Variants in NHERF1 observed in about 807,000 individuals in gnomAD.
NHERF1 encodes NHERF family PDZ scaffold protein 1.
the NHERF1 span, chr17:74,763,383 T>C: frequency 6.2e-7 from 1 of 1,613,770 alleles, no homozygotes; most frequent in South Asian, 1.1e-5. Context: ...GGGGTCTGCA[T>C]GGAGGGGAAG....
chr17:74,754,525 T>C, the NHERF1 span, among the ~76,000 whole-genome samples: 1 of 151,568 alleles, frequency 6.6e-6, no homozygotes, highest in Non-Finnish European at 1.5e-5. Flanking sequence ...GCCTCAGCCT[T>C]CCATGTAGCT....
At chr17:74,768,156 C>T in the NHERF1 span, 97 of 1,609,416 alleles carry the variant, frequency 6.0e-5, no homozygotes, top group Non-Finnish European at 7.6e-5. Context: ...GGAGAACAGT[C>T]GTGAAGCCCT....
chr17:74,748,654 C>T, the NHERF1 span: 5 of 570,598 alleles, frequency 8.8e-6, no homozygotes, highest in African/African-American at 4.0e-5. This position sits in a 1 kb window ranked among gnomAD's most constrained non-coding sequence, Gnocchi z 4.3. Context: ...GGGGATTGGT[C>T]TGTGGTCCTC....
the NHERF1 span, chr17:74,763,220 A>G: frequency 1.4e-6 from 1 of 690,182 alleles, no homozygotes; most frequent in Admixed American, 2.8e-5. Context: ...AGGACTCTGC[A>G]GAAATGGCGG....
the NHERF1 span, among the ~76,000 whole-genome samples, chr17:74,751,665 C>T: frequency 2.0e-5 from 3 of 152,224 alleles, no homozygotes; most frequent in African/African-American, 7.2e-5. The surrounding 1 kb of genome is among the most constrained non-coding windows in gnomAD (Gnocchi z 4.3). Flanking sequence ...TGGCCTTCCC[C>T]GCCTGCCCCG....
At chr17:74,749,327 G>T in the NHERF1 span, 1 of 1,503,860 alleles carries the variant, frequency 6.6e-7, no homozygotes, top group East Asian at 2.5e-5. The surrounding 1 kb of genome is among the most constrained non-coding windows in gnomAD (Gnocchi z 5.6). Context: ...CATGGAGTGG[G>T]AGGAGGATCC....
the NHERF1 span, among the ~76,000 whole-genome samples, chr17:74,752,464 A>C: frequency 6.6e-6 from 1 of 152,018 alleles, no homozygotes; most frequent in South Asian, 2.1e-4. Flanking sequence ...TCCAGTAGGC[A>C]GAGTTAGCAT....
chr17:74,748,648 A>G, the NHERF1 span: 7 of 512,272 alleles, frequency 1.4e-5, no homozygotes, highest in East Asian at 1.7e-4. The surrounding 1 kb of genome is among the most constrained non-coding windows in gnomAD (Gnocchi z 4.3). Context: ...CGGGGCGGGG[A>G]TTGGTCTGTG....
At chr17:74,753,139 G>A in the NHERF1 span, among the ~76,000 whole-genome samples, 2 of 152,214 alleles carry the variant, frequency 1.3e-5, no homozygotes, top group Non-Finnish European at 2.9e-5. Context: ...GCCGTGTGCT[G>A]GTTCTGGGAT....
the NHERF1 span, among the ~76,000 whole-genome samples, chr17:74,756,306 C>T: frequency 1.2e-5 from 1 of 83,086 alleles, no homozygotes; most frequent in East Asian, 3.4e-4. Context: ...TGAGACGGAG[C>T]CTTGCTCTAT....
chr17:74,749,078 C>T, the NHERF1 span: 3 of 1,590,666 alleles, frequency 1.9e-6, no homozygotes, highest in East Asian at 2.3e-5. The surrounding 1 kb of genome is among the most constrained non-coding windows in gnomAD (Gnocchi z 5.6). Context: ...GGTGGTGAGC[C>T]GCATCCGCGC....
the NHERF1 span, among the ~76,000 whole-genome samples, chr17:74,753,528 C>A: frequency 3.3e-5 from 5 of 152,150 alleles, no homozygotes; most frequent in East Asian, 9.6e-4. Context: ...AACAGTGTAG[C>A]CCCTGGTTCT....
chr17:74,765,079 G>A, the NHERF1 span, among the ~76,000 whole-genome samples: 1 of 152,012 alleles, frequency 6.6e-6, no homozygotes, highest in Non-Finnish European at 1.5e-5. Flanking sequence ...AGCCATGTGG[G>A]ACCCCTACCC....
the NHERF1 span, among the ~76,000 whole-genome samples, chr17:74,765,726 A>G: frequency 6.6e-6 from 1 of 151,258 alleles, no homozygotes; most frequent in African/African-American, 2.4e-5. Context: ...TAATTTTTGT[A>G]TTTTTAGTAG....
the NHERF1 span, among the ~76,000 whole-genome samples, chr17:74,756,987 GAGGAAGGATGCAGC>G: frequency 6.6e-6 from 1 of 152,178 alleles, no homozygotes; most frequent in Non-Finnish European, 1.5e-5. Flanking sequence ...GGTGAGGGAT[GAGGAAGGATGCAGC>G]AGGGAAGGCA....
the NHERF1 span, chr17:74,749,295 G>C: frequency 6.6e-7 from 1 of 1,526,588 alleles, no homozygotes; most frequent in Non-Finnish European, 8.7e-7. The surrounding 1 kb of genome is among the most constrained non-coding windows in gnomAD (Gnocchi z 5.6). Flanking sequence ...CAGGTAAGCG[G>C]GGCCCAAGCC....
At chr17:74,759,889 TCA>T in the NHERF1 span, among the ~76,000 whole-genome samples, 2 of 152,176 alleles carry the variant, frequency 1.3e-5, no homozygotes, top group African/African-American at 4.8e-5. Context: ...TCTCTGAGCC[TCA>T]GTTTCCCCAT....
chr17:74,756,933 T>C, the NHERF1 span, among the ~76,000 whole-genome samples: 4 of 152,172 alleles, frequency 2.6e-5, no homozygotes, highest in Non-Finnish European at 5.9e-5. Flanking sequence ...AATAGCCCCT[T>C]GGGACAACCC....
At chr17:74,751,807 C>T in the NHERF1 span, among the ~76,000 whole-genome samples, 52 of 152,336 alleles carry the variant, frequency 3.4e-4, no homozygotes, top group African/African-American at 1.2e-3. This position sits in a 1 kb window ranked among gnomAD's most constrained non-coding sequence, Gnocchi z 4.3. Context: ...CGGGCAGAGC[C>T]GAGCCAGCTC....
Sources: allele counts gnomAD v4.1 joint callset (sites outside exome capture counted in the v4.1 genomes callset), GRCh38; gene constraint gnomAD v4.1.1; non-coding constraint Gnocchi (gnomAD v3.1); transcripts MANE v1.5; gene names NCBI Gene and HGNC (gene_info 2026-07-23, HGNC 2026-07-21).